SUMF1: variants seen among roughly 807,000 people sequenced by gnomAD.
The protein encoded by SUMF1 is formylglycine-generating enzyme.
SUMF1 carries 48 observed loss-of-function variants against 47.6 expected under a neutral mutation model. The ratio of observed to expected loss-of-function variants is 1.01; its 90% CI spans 0.80 to 1.28. SUMF1 has a LOEUF of 1.28. SUMF1 is among the 50% of genes most tolerant of loss of function. The probability of loss-of-function intolerance (pLI) is 0.00; values close to 1 mark genes in which losing one functional copy is unlikely to be tolerated. For missense variants in SUMF1, 571 were observed against 485.4 expected, an observed-to-expected ratio of 1.18 and a Z score of -1.66; for synonymous variants, 230 against 192.1, an observed-to-expected ratio of 1.20 and a Z score of -1.63.
chr3:4,190,856 T>C (rs1030492540), intron 8 of SUMF1, among the ~76,000 whole-genome samples: 1 of 152,102 alleles, frequency 6.6e-6, no homozygotes, highest in African/African-American at 2.4e-5. Context: ...GAAAACTACA[T>C]ATTGAGGGTC....
chr3:4,116,880 A>G (rs1447202530), intron 8 of SUMF1, among the ~76,000 whole-genome samples: 8 of 152,156 alleles, frequency 5.3e-5, no homozygotes, highest in Non-Finnish European at 1.2e-4. Context: ...TTGGAAGATA[A>G]ATAAGGTCAG....
chr3:4,356,422 CGTGGGG>C (rs1575124828), downstream of SUMF1, among the ~76,000 whole-genome samples: 5 of 494 alleles, frequency 0.01, no homozygotes, highest in African/African-American at 0.016. Context: ...GTGGGGACAG[CGTGGGG>C]ACAGCGTGGG....
At chr3:4,048,422 C>G (rs1695045026) in intron 9 of SUMF1, among the ~76,000 whole-genome samples, 1 of 152,164 alleles carries the variant, frequency 6.6e-6, no homozygotes, top group African/African-American at 2.4e-5. Context: ...TGAGCAGAGT[C>G]TTATGGCTCA....
chr3:4,217,422 G>C (rs1168853291), intron 8 of SUMF1, among the ~76,000 whole-genome samples: 1 of 142,884 alleles, frequency 7.0e-6, no homozygotes, highest in Non-Finnish European at 1.5e-5. Flanking sequence ...TAGGTGACAG[G>C]TTGATGGGTG....
intron 8 of SUMF1, among the ~76,000 whole-genome samples, chr3:4,338,809 G>T (rs1177011100): frequency 6.6e-6 from 1 of 152,032 alleles, no homozygotes; most frequent in East Asian, 1.9e-4. Flanking sequence ...AGTACACAGA[G>T]TCTTTCATTG....
chr3:4,041,504 C>T (rs557594959), intron 9 of SUMF1, among the ~76,000 whole-genome samples: 2 of 152,282 alleles, frequency 1.3e-5, no homozygotes, highest in South Asian at 4.1e-4. Flanking sequence ...CAGGTGGAAA[C>T]TTAGTGAGTA....
chr3:4,442,860 C>A (rs1378034043), intron 3 of SUMF1, among the ~76,000 whole-genome samples: 1 of 149,792 alleles, frequency 6.7e-6, no homozygotes, highest in Non-Finnish European at 1.5e-5. Context: ...GACTCAAGCT[C>A]AAATGCAATC....
chr3:4,263,412 G>C (rs1486897214), intron 8 of SUMF1, among the ~76,000 whole-genome samples: 1 of 152,136 alleles, frequency 6.6e-6, no homozygotes, highest in Non-Finnish European at 1.5e-5. Context: ...ATTTTAACTG[G>C]TTCTAAATGC....
intron 8 of SUMF1, among the ~76,000 whole-genome samples, chr3:4,213,191 C>A (rs1326863464): frequency 6.6e-6 from 1 of 152,072 alleles, no homozygotes; most frequent in Non-Finnish European, 1.5e-5. Flanking sequence ...AAAGGAGAGC[C>A]CATCAGACTA....
At chr3:4,224,691 G>C (rs1270097489) in intron 8 of SUMF1, among the ~76,000 whole-genome samples, 2 of 151,926 alleles carry the variant, frequency 1.3e-5, no homozygotes, top group South Asian at 4.2e-4. Flanking sequence ...AGACCACATG[G>C]GGCCAATCAG....
intron 8 of SUMF1, among the ~76,000 whole-genome samples, chr3:4,170,682 T>C (rs140682694): frequency 1.3e-3 from 203 of 152,260 alleles, no homozygotes; most frequent in African/African-American, 4.6e-3. Context: ...AACCATCACA[T>C]ATATAGTGAA....
intron 8 of SUMF1, among the ~76,000 whole-genome samples, chr3:4,112,446 G>C (rs2648487): frequency 6.6e-6 from 1 of 151,926 alleles, no homozygotes; most frequent in East Asian, 1.9e-4. Context: ...ATGGTGAGAA[G>C]AAATTGTAAA....
chr3:4,130,591 A>G (rs1416672318), intron 8 of SUMF1, among the ~76,000 whole-genome samples: 3 of 152,260 alleles, frequency 2.0e-5, no homozygotes, highest in Admixed American at 6.5e-5. Flanking sequence ...TGAGAAATAA[A>G]TCCAACTAAA....
At chr3:4,422,526 TC>T (rs1217301717) in intron 3 of SUMF1, among the ~76,000 whole-genome samples, 2 of 152,108 alleles carry the variant, frequency 1.3e-5, no homozygotes, top group Admixed American at 1.3e-4. Context: ...GTTTGTCCAT[TC>T]TACTACTAAT....
At position 4,300,760 on chromosome 3, in the gene SUMF1, T is replaced by C. The variant is rs73806989; in HGVS notation, c.1014+75570A>G. 8.7e-3 allele frequency among the ~76,000 whole-genome samples: 1,317 copies of C among 152,218 alleles called. 26 individuals carry two copies. The highest frequency in any genetic ancestry group is 0.03 in the African/African-American group (1,261 of 41,518). On this transcript the variant is annotated intron_variant and NMD_transcript_variant, in intron 8 of 12. Transcript: ENST00000448413. ...TAAAAGACTAGGGAAAGAAAACAGA[T>C]CATGATATCCCATTGCTTCACTATC...
At chr3:4,160,678 T>A (rs1694555151) in intron 8 of SUMF1, among the ~76,000 whole-genome samples, 1 of 152,040 alleles carries the variant, frequency 6.6e-6, no homozygotes, top group African/African-American at 2.4e-5. Flanking sequence ...TTTTCACTAT[T>A]TCCATCTCTT....
At chr3:4,038,829 G>A (rs1170948287) in intron 9 of SUMF1, among the ~76,000 whole-genome samples, 1 of 152,174 alleles carries the variant, frequency 6.6e-6, no homozygotes, top group Non-Finnish European at 1.5e-5. Context: ...GTATGCTCAG[G>A]ATAGCTAAGT....
chr3:4,235,161 G>A (rs1420976532), intron 8 of SUMF1, among the ~76,000 whole-genome samples: 3 of 152,048 alleles, frequency 2.0e-5, no homozygotes, highest in Non-Finnish European at 4.4e-5. Flanking sequence ...GAAAGTGGAT[G>A]GAAATATCTA....
At chr3:4,417,364 T>C (rs544509419) in intron 5 of SUMF1, 122 bp from the exon 6 acceptor site, 2 of 657,146 alleles carry the variant, frequency 3.0e-6, no homozygotes, top group South Asian at 3.4e-5. Context: ...CCAGTTAAAA[T>C]ATATATATAA....
Sources: allele counts gnomAD v4.1 joint callset (sites outside exome capture counted in the v4.1 genomes callset), GRCh38; gene constraint gnomAD v4.1.1; transcripts MANE v1.5; gene names NCBI Gene and HGNC (gene_info 2026-07-23, HGNC 2026-07-21).